CLTCL1: variants seen among roughly 807,000 people sequenced by gnomAD.
The protein encoded by CLTCL1 is clathrin heavy chain like 1, also known as clathrin heavy chain 2.
Under a neutral mutation model 190.0 loss-of-function variants are expected in CLTCL1, and 159 were observed. That is an observed-to-expected ratio of 0.84 (90% CI 0.74 to 0.95). CLTCL1 has a LOEUF of 0.95. CLTCL1 is among the 40% of genes least tolerant of loss of function. The pLI is 0.00. For missense variants in CLTCL1, 1,878 were observed against 2,033.4 expected (o/e 0.92, Z 1.47); for synonymous variants, 752 against 769.6 (o/e 0.98, Z 0.38).
At chr22:19,187,828 C>T in intron 28 of CLTCL1, 100 bp from the exon 29 acceptor site, 1 of 1,413,230 alleles carries the variant, frequency 7.1e-7, no homozygotes, top group Non-Finnish European at 9.9e-7. Flanking sequence ...GCTATCAGCA[C>T]AGCCTTAGAA....
At chr22:19,239,128 A>G in intron 5 of CLTCL1, 147 bp downstream of exon 5, 1 of 664,914 alleles carries the variant, frequency 1.5e-6, no homozygotes. Context: ...CTCACACGCC[A>G]AAGCCTTAGG....
At chr22:19,196,994 C>T (rs1325316967) in intron 24 of CLTCL1, among the ~76,000 whole-genome samples, 1 of 152,162 alleles carries the variant, frequency 6.6e-6, no homozygotes, top group Non-Finnish European at 1.5e-5. Context: ...TCCCTTGCTA[C>T]AGCTCATTAC....
chr22:19,238,429 C>T (rs2086149513), intron 5 of CLTCL1: 1 of 163,334 alleles, frequency 6.1e-6, no homozygotes, highest in Admixed American at 6.1e-5. Context: ...GGTTTATCTA[C>T]AGAGGAATGT....
intron 2 of CLTCL1, among the ~76,000 whole-genome samples, chr22:19,263,533 C>T (rs564891994): frequency 3.5e-4 from 53 of 152,244 alleles, no homozygotes; most frequent in Non-Finnish European, 4.7e-4. Flanking sequence ...TCCGCCTCAG[C>T]CTCTTGACAG....
intron 2 of CLTCL1, among the ~76,000 whole-genome samples, chr22:19,265,094 T>G (rs552476772): frequency 6.6e-6 from 1 of 152,178 alleles, no homozygotes; most frequent in South Asian, 2.1e-4. Context: ...CAGCCGAAAT[T>G]TGATACAATT....
chr22:19,238,553 T>C, intron 5 of CLTCL1: 2 of 217,360 alleles, frequency 9.2e-6, no homozygotes, highest in Non-Finnish European at 2.0e-5. Flanking sequence ...CCACAGGCCC[T>C]GCTGACATGT....
At chr22:19,244,726 G>A (rs1430961877) in intron 3 of CLTCL1, among the ~76,000 whole-genome samples, 1 of 152,212 alleles carries the variant, frequency 6.6e-6, no homozygotes, top group African/African-American at 2.4e-5. Flanking sequence ...CCGATGTCCT[G>A]CTTCTAAGTC....
intron 11 of CLTCL1, among the ~76,000 whole-genome samples, chr22:19,227,243 C>T (rs1248660204): frequency 3.3e-5 from 5 of 151,094 alleles, no homozygotes; most frequent in Admixed American, 3.3e-4. Flanking sequence ...AAACAATGAA[C>T]ACTCCTGGAA....
chr22:19,241,000 A>C (rs543556096), intron 4 of CLTCL1, among the ~76,000 whole-genome samples: 2 of 152,242 alleles, frequency 1.3e-5, no homozygotes, highest in Non-Finnish European at 2.9e-5. Flanking sequence ...GCCTGGGCAC[A>C]GGCGGGGCGG....
chr22:19,253,288 C>T (rs1379817632), intron 3 of CLTCL1, among the ~76,000 whole-genome samples: 3 of 152,082 alleles, frequency 2.0e-5, no homozygotes, highest in East Asian at 3.9e-4. Context: ...GTGTGTGGGC[C>T]GTGGTGTGTG....
intron 22 of CLTCL1, among the ~76,000 whole-genome samples, chr22:19,202,830 C>A (rs1555940693): frequency 6.6e-6 from 1 of 152,194 alleles, no homozygotes; most frequent in East Asian, 1.9e-4. Context: ...ATCAGGAGAG[C>A]CTTTCACAGC....
rs782491214 is a variant in CLTCL1 at position 19,208,152 on chromosome 22, A to G, written c.3600+2T>C. The stretch of plus-strand genomic sequence containing the variant: ...GCACAGCCCCCAGGGGGCATGGCCT[A>G]CCTGCTGGATGTGGGCATTGTTGGG... On this transcript the variant is annotated splice_donor_variant, in intron 22 of 32. Transcript: ENST00000427926. LOFTEE classifies it high-confidence loss of function. The G allele has an allele frequency of 5.6e-6, 9 of 1,613,714 alleles. No homozygotes were observed. The highest frequency in any genetic ancestry group is 7.6e-6 in the Non-Finnish European group (9 of 1,179,880).
At chr22:19,188,614 CTTT>C (rs1195452293) in intron 27 of CLTCL1, among the ~76,000 whole-genome samples, 7 of 137,020 alleles carry the variant, frequency 5.1e-5, no homozygotes, top group Non-Finnish European at 6.3e-5. Context: ...ATTTCTTTTT[CTTT>C]TTTTTTTTTT....
rs1377199425 is a variant in CLTCL1, at chr22:19,235,753, A to T, written c.912T>A (p.Phe304Leu). 5.6e-6 allele frequency: 9 copies of T among 1,613,888 alleles called. No individual in the cohort carries two copies. The highest frequency in any genetic ancestry group is 2.7e-5 in the African/African-American group (2 of 74,934). Residue 304 changes from phenylalanine to leucine, a missense_variant, in exon 6 of 33, where the codon TTT (phenylalanine) becomes TTA (leucine). Phe to Leu is a conservative substitution (Grantham distance 22). Transcript: ENST00000427926. ...AGGTTGGTTTGTGTGGAGCAGTGAC[A>T]AATATTGTGTCAGCACTAATACGGT... ...CMNRISADTI[F>L]VTAPHKPTSG...
Position 19,233,444 on chromosome 22 carries a change from T to C in CLTCL1, c.1346A>G (p.Glu449Gly), listed in dbSNP as rs1555960160. The change falls in exon 8 of 33, where the codon GAG becomes GGG. Residue 449 changes from glutamate (E) to glycine (G), a missense_variant. Coordinates refer to ENST00000427926, the MANE Select transcript of CLTCL1 (RefSeq NM_007098.4). ...TACCTTATCTTCTTTCAGCCACTTC[T>C]CTAGGAGTTGCTTACGCCCCTGCTG... is the stretch of plus-strand genomic sequence containing the variant. ...VLQQGRKQLL[E>G]KWLKEDKLEC... 6.2e-7 allele frequency: 1 copy of C among 1,613,724 alleles called. No homozygotes were observed. The highest frequency in any genetic ancestry group is 1.1e-5 in the South Asian group (1 of 91,068).
chr22:19,282,910 C>A (rs2087773774), intron 1 of CLTCL1, among the ~76,000 whole-genome samples: 1 of 150,834 alleles, frequency 6.6e-6, no homozygotes, highest in Non-Finnish European at 1.5e-5. Context: ...ACTCTGTCAC[C>A]CAGGCTGGAG....
intron 1 of CLTCL1, among the ~76,000 whole-genome samples, chr22:19,291,231 C>G (rs2088106892): frequency 6.6e-6 from 1 of 152,212 alleles, no homozygotes; most frequent in African/African-American, 2.4e-5. Flanking sequence ...GAATAAGGAC[C>G]GCAGGACGCC....
rs368832296 is a variant in CLTCL1 at position 19,219,927 on chromosome 22, G to T, written c.2877C>A (p.Val959=). 36 of 1,613,930 alleles carry T rather than the reference G, an allele frequency of 2.2e-5. No individual in the cohort carries two copies. Among genetic ancestry groups the T allele is most frequent in the Non-Finnish European group, 3.0e-5 (35 of 1,179,910 alleles). ...TCCTGGATGGGTTGGTCTCCTCAAGGACGTGAGCCCAGAGCTCCGGATCCT... is the reference window on the plus strand; with the variant it reads ...TCCTGGATGGGTTGGTCTCCTCAAGTACGTGAGCCCAGAGCTCCGGATCCT... ...CRKDPELWAH[V]LEETNPSRRQ... is the part of the protein sequence containing the mutation. Residue 959 remains valine (V), a synonymous_variant, in exon 18 of 33, where the codon GTC becomes GTA. Transcript: ENST00000427926.
At chr22:19,226,140 A>G in intron 12 of CLTCL1, 79 bp downstream of exon 12, 3 of 1,471,236 alleles carry the variant, frequency 2.0e-6, no homozygotes, top group Admixed American at 2.0e-5. Context: ...ACAATCACCA[A>G]CAGGTGAACA....
Sources: allele counts gnomAD v4.1 joint callset (sites outside exome capture counted in the v4.1 genomes callset), GRCh38; gene constraint gnomAD v4.1.1; transcripts MANE v1.5; gene names NCBI Gene and HGNC (gene_info 2026-07-23, HGNC 2026-07-21).